The following ST8SIA1 variants were observed in gnomAD, a reference collection of about 807,000 sequenced individuals.
ST8SIA1 encodes ST8 alpha-N-acetyl-neuraminide alpha-2,8-sialyltransferase 1, also known as alpha-N-acetylneuraminide alpha-2,8-sialyltransferase.
ST8SIA1 carries 16 observed loss-of-function variants against 35.9 expected under a neutral mutation model. The observed-to-expected ratio is 0.45, with a 90% CI of 0.30 to 0.68. ST8SIA1 has a LOEUF of 0.68. ST8SIA1 is among the 30% of genes least tolerant of loss of function. The pLI is 0.09. For synonymous variants in ST8SIA1, 170 were observed against 169.6 expected, an observed-to-expected ratio of 1.00 and a Z score of -0.02; for missense variants, 383 against 453.6, an observed-to-expected ratio of 0.84 and a Z score of 1.41.
rs1186270017 is a variant in ST8SIA1 at position 22,334,209 on chromosome 12, C to T, written c.24G>A (p.Arg8=). The change falls in exon 1 of 5, where the codon CGG becomes CGA. Residue 8 remains arginine (R), a synonymous_variant. Coordinates refer to ENST00000396037, the MANE Select transcript of ST8SIA1 (RefSeq NM_003034.4). The stretch of plus-strand genomic sequence containing the variant: ...CCATGGCCCCTCTGGACGTTTGTCG[C>T]CGGGCCCGCCCGCAGGGGCTCATCG... MSPCGRA[R]RQTSRGAMAV... is the part of the protein sequence containing the mutation. The T allele has an allele frequency of 6.2e-7, 1 of 1,612,716 alleles. No homozygotes were observed. Among genetic ancestry groups the T allele is most frequent in the Admixed American group, 1.7e-5 (1 of 59,964 alleles).
At chr12:22,320,983 G>GA (rs879284541) in intron 1 of ST8SIA1, among the ~76,000 whole-genome samples, 12 of 117,682 alleles carry the variant, frequency 1.0e-4, no homozygotes, top group Admixed American at 9.7e-4. Context: ...AAGAAAGAAA[G>GA]AAAGAAAGAA....
chr12:22,331,906 T>C (rs1866770794), intron 1 of ST8SIA1, among the ~76,000 whole-genome samples: 1 of 152,214 alleles, frequency 6.6e-6, no homozygotes, highest in Admixed American at 6.5e-5. Context: ...ATAACAATTA[T>C]AAGGCAACCA....
intron 1 of ST8SIA1, among the ~76,000 whole-genome samples, chr12:22,311,731 G>A (rs998632470): frequency 6.6e-6 from 1 of 151,880 alleles, no homozygotes; most frequent in African/African-American, 2.4e-5. Context: ...CCTAAATTTG[G>A]GAAACTGTGC....
chr12:22,248,404 C>G (rs1317054871), intron 4 of ST8SIA1, among the ~76,000 whole-genome samples: 1 of 152,020 alleles, frequency 6.6e-6, no homozygotes, highest in Non-Finnish European at 1.5e-5. Context: ...GACCCCCTCC[C>G]CCACCCCCGC....
intron 1 of ST8SIA1, among the ~76,000 whole-genome samples, chr12:22,321,006 G>A (rs56062126): frequency 2.5e-3 from 141 of 56,266 alleles, no homozygotes; most frequent in Admixed American, 2.5e-3. Flanking sequence ...AAAGAAAGAA[G>A]AAAGAAAGAA....
intron 1 of ST8SIA1, among the ~76,000 whole-genome samples, chr12:22,314,016 G>A (rs1335995872): frequency 6.6e-6 from 1 of 152,056 alleles, no homozygotes; most frequent in East Asian, 1.9e-4. Context: ...GCATTTTGTG[G>A]TCCTTAAAAC....
At chr12:22,251,748 C>T (rs538612252) in intron 3 of ST8SIA1, among the ~76,000 whole-genome samples, 2 of 152,162 alleles carry the variant, frequency 1.3e-5, no homozygotes, top group Non-Finnish European at 2.9e-5. Context: ...GTCTTAGCAA[C>T]TGTGCTCATG....
At position 22,201,660 on chromosome 12, in the gene ST8SIA1, G is replaced by A. The variant is rs1262118745; in HGVS notation, c.963C>T (p.Phe321=). The A allele has an allele frequency of 1.2e-6, 2 of 1,614,136 alleles. No homozygotes were observed. Among genetic ancestry groups the A allele is most frequent in the Non-Finnish European group, 1.7e-6 (2 of 1,179,988 alleles). The change falls in exon 5 of 5, where the codon TTC becomes TTT. Residue 321 remains phenylalanine (F), a synonymous_variant. Transcript: ENST00000396037. ...YYDNVLPFSG[F]HAMPEEFLQL... ...GGAGAAATTCCTCGGGCATGGCATGGAAGCCAGAAAAGGGTAAGACGTTGT... is the reference window on the plus strand; with the variant it reads ...GGAGAAATTCCTCGGGCATGGCATGAAAGCCAGAAAAGGGTAAGACGTTGT...
intron 1 of ST8SIA1, among the ~76,000 whole-genome samples, chr12:22,288,571 G>A (rs141479048): frequency 1.3e-4 from 20 of 152,254 alleles, no homozygotes; most frequent in East Asian, 7.7e-4. Context: ...CTCAGCCTGC[G>A]GGGGAGGTGC....
intron 1 of ST8SIA1, among the ~76,000 whole-genome samples, chr12:22,287,562 T>A (rs1224862139): frequency 6.6e-6 from 1 of 151,870 alleles, no homozygotes; most frequent in African/African-American, 2.4e-5. Context: ...GTGAGATATG[T>A]CAAAAGATAA....
At chr12:22,245,392 A>AT (rs941641745) in intron 4 of ST8SIA1, among the ~76,000 whole-genome samples, 2 of 152,150 alleles carry the variant, frequency 1.3e-5, no homozygotes, top group African/African-American at 4.8e-5. Flanking sequence ...TGTAAATGTA[A>AT]TTTTTTCTTA....
chr12:22,218,752 G>A (rs932973371), intron 4 of ST8SIA1, among the ~76,000 whole-genome samples: 6 of 151,350 alleles, frequency 4.0e-5, no homozygotes, highest in South Asian at 4.2e-4. Context: ...CCTGGGAGGC[G>A]GAGGTTGCAG....
intron 1 of ST8SIA1, among the ~76,000 whole-genome samples, chr12:22,288,626 C>T (rs1866135267): frequency 6.6e-6 from 1 of 152,126 alleles, no homozygotes; most frequent in Non-Finnish European, 1.5e-5. Context: ...CTGAGATCTT[C>T]GTTGGCTTTG....
At chr12:22,231,795 G>A (rs191338028) in intron 4 of ST8SIA1, among the ~76,000 whole-genome samples, 2,580 of 152,030 alleles carry the variant, frequency 0.017, 54 homozygotes, top group Admixed American at 0.068. Flanking sequence ...GGATGGTCTC[G>A]ATCTCCTGAC....
chr12:22,241,174 T>C (rs1446515038), intron 4 of ST8SIA1, among the ~76,000 whole-genome samples: 1 of 152,096 alleles, frequency 6.6e-6, no homozygotes, highest in East Asian at 1.9e-4. Flanking sequence ...TTTATTATTT[T>C]CTGTAGAGAA....
At chr12:22,302,248 TCCC>T (rs985601368) in intron 1 of ST8SIA1, among the ~76,000 whole-genome samples, 6 of 152,098 alleles carry the variant, frequency 3.9e-5, no homozygotes, top group African/African-American at 4.8e-5. Context: ...TTTTCCTTTT[TCCC>T]CCCAATTTTC....
chr12:22,287,855 A>T (rs908503635), intron 1 of ST8SIA1, among the ~76,000 whole-genome samples: 1 of 152,216 alleles, frequency 6.6e-6, no homozygotes, highest in African/African-American at 2.4e-5. Flanking sequence ...ATAGAATGAA[A>T]TGAATGATGT....
At chr12:22,330,167 T>C (rs770444397) in intron 1 of ST8SIA1, among the ~76,000 whole-genome samples, 15 of 152,180 alleles carry the variant, frequency 9.9e-5, no homozygotes, top group Non-Finnish European at 2.1e-4. Flanking sequence ...TATGCCACCC[T>C]ACCATCCTTG....
intron 1 of ST8SIA1, among the ~76,000 whole-genome samples, chr12:22,288,053 G>A (rs1454846327): frequency 6.6e-6 from 1 of 152,172 alleles, no homozygotes; most frequent in African/African-American, 2.4e-5. Context: ...CTTCTGGGCT[G>A]ACTTGCAGGC....
Sources: gnomAD v4.1 joint callset for allele counts (sites outside exome capture counted in the v4.1 genomes callset) on GRCh38, gnomAD v4.1.1 for gene constraint, MANE v1.5 for transcripts, NCBI Gene and HGNC (gene_info 2026-07-23, HGNC 2026-07-21) for gene names.